MOB3B: variants seen among roughly 807,000 people sequenced by gnomAD.
MOB3B encodes MOB kinase activator 3B.
In MOB3B, 7 loss-of-function variants were observed where a neutral mutation model predicts 18.7. The ratio of observed to expected loss-of-function variants is 0.37; its 90% confidence interval spans 0.21 to 0.70. The LOEUF is 0.70. MOB3B is among the 30% of genes least tolerant of loss of function. MOB3B has a pLI of 0.52. For synonymous variants in MOB3B, 111 were observed against 99.9 expected (o/e 1.11, Z -0.66); for missense variants, 253 against 281.3 (o/e 0.90, Z 0.72).
rs1820737688 is a variant in MOB3B at position 27,328,118 on chromosome 9, T to G, written c.*2469A>C. 3 of 150,982 alleles carry G rather than the reference T, an allele frequency of 2.0e-5. No homozygotes were observed. The South Asian group carries it at 6.3e-4, about 32-fold the overall frequency. 9.4% of individuals were successfully genotyped at this position (150,982 alleles called of 1,614,324 possible). On this transcript the variant is annotated 3_prime_UTR_variant, in exon 4 of 4. Coordinates refer to ENST00000262244, the MANE Select transcript of MOB3B (RefSeq NM_024761.5). ...GGCAAAACATTAACAACTGATGCAC[T>G]AAAGGACATAAGGGTACTCACTATA...
Position 27,469,046 on chromosome 9 carries a change from C to A in MOB3B, c.-198-13298G>T, listed in dbSNP as rs919192226. Among the ~76,000 whole-genome samples the A allele has an allele frequency of 3.3e-5, 5 of 152,214 alleles. No homozygotes were observed. The East Asian group carries it at 9.7e-4, about 29-fold the overall frequency. On this transcript the variant is annotated intron_variant, in intron 1 of 3. Coordinates refer to ENST00000262244, the MANE Select transcript of MOB3B (RefSeq NM_024761.5). The stretch of plus-strand genomic sequence containing the variant: ...TTGCAATACCACGCAAAGACCTTTA[C>A]CTTTGTGCTTTGTTTAAAAAATAAG...
chr9:27,454,992 C>G, intron 2 of MOB3B, 141 bp downstream of exon 2: 3 of 862,498 alleles, frequency 3.5e-6, no homozygotes, highest in Non-Finnish European at 5.4e-6. Context: ...TTCAATGAGG[C>G]TCTTATATAT....
At chr9:27,515,877 T>C (rs931497348) in intron 1 of MOB3B, among the ~76,000 whole-genome samples, 5 of 152,178 alleles carry the variant, frequency 3.3e-5, no homozygotes, top group East Asian at 3.9e-4. Context: ...CCAATACCTA[T>C]AATGTGGCCT....
Position 27,325,445 on chromosome 9 carries a change from T to A in MOB3B, c.*5142A>T, listed in dbSNP as rs1008255987. The A allele has an allele frequency of 1.3e-5, 2 of 152,206 alleles. No individual in the cohort carries two copies. The highest frequency in any genetic ancestry group is 4.8e-5 in the African/African-American group (2 of 41,446). The allele number at this position is 152,206 out of a possible 1,614,324, so 9.4% of individuals were successfully genotyped here. A position where few individuals can be genotyped will look rare whatever the true frequency, so the allele number is the denominator to read the frequency against. On this transcript the variant is annotated 3_prime_UTR_variant, in exon 4 of 4. Transcript: ENST00000262244. Reference sequence around the variant, plus strand: ...CTGAAATCAGATCACTATAAGCTAGTAAAACAGGCGAATTATTTGATTAGA... The same window carrying A: ...CTGAAATCAGATCACTATAAGCTAGAAAAACAGGCGAATTATTTGATTAGA...
chr9:27,473,894 G>A (rs993945251), intron 1 of MOB3B, among the ~76,000 whole-genome samples: 2 of 152,258 alleles, frequency 1.3e-5, no homozygotes, highest in East Asian at 3.9e-4. Flanking sequence ...TAAAAGGTGG[G>A]ACCTTTGGAA....
intron 1 of MOB3B, among the ~76,000 whole-genome samples, chr9:27,515,259 T>C (rs140891928): frequency 6.6e-6 from 1 of 152,336 alleles, no homozygotes; most frequent in East Asian, 1.9e-4. Flanking sequence ...TATATATTTC[T>C]ATAAATGGTT....
At chr9:27,464,501 T>TA (rs759842041) in intron 1 of MOB3B, among the ~76,000 whole-genome samples, 1 of 152,210 alleles carries the variant, frequency 6.6e-6, no homozygotes, top group Non-Finnish European at 1.5e-5. Flanking sequence ...GCCCTCCCAC[T>TA]AATCCCTCAA....
At chr9:27,350,342 T>C (rs923502128) in intron 3 of MOB3B, among the ~76,000 whole-genome samples, 2 of 152,174 alleles carry the variant, frequency 1.3e-5, no homozygotes, top group African/African-American at 2.4e-5. Flanking sequence ...GATTAGTGAT[T>C]TTCCAGTACA....
rs118052933 is a variant in MOB3B at position 27,490,376 on chromosome 9, A to C, written c.-198-34628T>G. Reference sequence around the variant, plus strand: ...ACTCACACCCCTGCAATAAAATATTAAAAGTATTATTATGTGTGTTTGTGG... The same window carrying C: ...ACTCACACCCCTGCAATAAAATATTCAAAGTATTATTATGTGTGTTTGTGG... On this transcript the variant is annotated intron_variant, in intron 1 of 3. Transcript: ENST00000262244. Among the ~76,000 whole-genome samples the C allele has an allele frequency of 8.2e-3, 1,242 of 152,332 alleles. 12 individuals carry two copies. The highest frequency in any genetic ancestry group is 0.012 in the Non-Finnish European group (818 of 68,028).
rs781365075 is a variant in MOB3B, at chr9:27,524,604, A to G, written c.-199+4951T>C. 1.9e-6 allele frequency: 3 copies of G among 1,614,168 alleles called. No individual in the cohort carries two copies. In the South Asian group the frequency reaches 3.3e-5, roughly 18 times the overall value. On this transcript the variant is annotated intron_variant, in intron 1 of 3. Coordinates refer to ENST00000262244, the MANE Select transcript of MOB3B (RefSeq NM_024761.5). The stretch of plus-strand genomic sequence containing the variant: ...GGACATCAAGAAGGCCTTCTATGAA[A>G]TGTCCCTACAGGCCTTCAACATCTT...
At chr9:27,337,178 C>A (rs562151094) in intron 3 of MOB3B, among the ~76,000 whole-genome samples, 2 of 152,322 alleles carry the variant, frequency 1.3e-5, no homozygotes, top group African/African-American at 2.4e-5. Flanking sequence ...ACCCTACAAC[C>A]GGGAAGAGTT....
rs147364603 is a variant in MOB3B at position 27,435,886 on chromosome 9, C to G, written c.418+19247G>C. Among the ~76,000 whole-genome samples the G allele has an allele frequency of 3.7e-3, 565 of 152,266 alleles. 4 individuals are homozygous for G. The highest frequency in any genetic ancestry group is 0.013 in the African/African-American group (532 of 41,562). ...AAAGTGCTGGGATTAAAGGTGTGAG[C>G]CACCATACCCAGCCAAGACCAGAGT... is the stretch of plus-strand genomic sequence containing the variant. On this transcript the variant is annotated intron_variant, in intron 2 of 3. Coordinates refer to ENST00000262244, the MANE Select transcript of MOB3B (RefSeq NM_024761.5).
At chr9:27,395,388 G>A (rs575020233) in intron 2 of MOB3B, among the ~76,000 whole-genome samples, 3 of 151,994 alleles carry the variant, frequency 2.0e-5, no homozygotes, top group African/African-American at 7.2e-5. Context: ...ATATATCAAA[G>A]CAACATGTTA....
intron 2 of MOB3B, among the ~76,000 whole-genome samples, chr9:27,384,470 G>T (rs1821623339): frequency 6.6e-6 from 1 of 152,078 alleles, no homozygotes; most frequent in Admixed American, 6.6e-5. Context: ...TTGGCAACTA[G>T]CTGGCACACC....
intron 2 of MOB3B, among the ~76,000 whole-genome samples, chr9:27,384,359 A>C (rs1821622116): frequency 6.6e-6 from 1 of 152,160 alleles, no homozygotes; most frequent in South Asian, 2.1e-4. Flanking sequence ...ACAGACCAGA[A>C]GCTGACCTCT....
rs145847707 is a variant in MOB3B, at chr9:27,524,837, C to T, written c.-199+4718G>A. 3 of 1,613,974 alleles carry T rather than the reference C, an allele frequency of 1.9e-6. No homozygotes were observed. In the African/African-American group the frequency reaches 4.0e-5, roughly 22 times the overall value. On this transcript the variant is annotated intron_variant, in intron 1 of 3. Coordinates refer to ENST00000262244, the MANE Select transcript of MOB3B (RefSeq NM_024761.5). ...GCCTGGAACTGAGGAGATATTTCCA[C>T]AGGATAGACAATTTCCTGAAAGAAA...
At chr9:27,417,116 C>A (rs1822161923) in intron 2 of MOB3B, among the ~76,000 whole-genome samples, 1 of 152,200 alleles carries the variant, frequency 6.6e-6, no homozygotes, top group South Asian at 2.1e-4. Flanking sequence ...GTAATCCCAG[C>A]ACTTTGGGAG....
intron 3 of MOB3B, among the ~76,000 whole-genome samples, chr9:27,340,860 G>T (rs1820930282): frequency 6.6e-6 from 1 of 152,212 alleles, no homozygotes; most frequent in South Asian, 2.1e-4. Flanking sequence ...TGCACAGTTG[G>T]CAGGAGTCTG....
intron 2 of MOB3B, among the ~76,000 whole-genome samples, chr9:27,449,949 G>T (rs1040738887): frequency 1.4e-5 from 2 of 148,116 alleles, no homozygotes; most frequent in Admixed American, 6.8e-5. Flanking sequence ...TTGCACTCCA[G>T]CCTGGGCAAC....
Sources: gnomAD v4.1 joint callset for allele counts (sites outside exome capture counted in the v4.1 genomes callset) on GRCh38, gnomAD v4.1.1 for gene constraint, MANE v1.5 for transcripts, NCBI Gene and HGNC (gene_info 2026-07-23, HGNC 2026-07-21) for gene names.